The following UNC5D variants were observed in gnomAD, a reference collection of about 807,000 sequenced individuals.
UNC5D encodes the protein netrin receptor UNC5D.
A neutral mutation model predicts 105.4 loss-of-function variants in UNC5D; 39 were observed. That is an observed-to-expected ratio of 0.37 (90% CI 0.29 to 0.48). The LOEUF (loss-of-function observed/expected upper bound fraction) is 0.48, where lower values mean the gene tolerates loss of function less well. UNC5D is among the 20% of genes least tolerant of loss of function. The probability of loss-of-function intolerance (pLI) is 0.98; values close to 1 mark genes in which losing one functional copy is unlikely to be tolerated. For missense variants in UNC5D, 991 were observed against 1,202.4 expected (o/e 0.82, Z 2.60); for synonymous variants, 452 against 450.4 (o/e 1.00, Z -0.04).
intron 1 of UNC5D, among the ~76,000 whole-genome samples, chr8:35,282,081 C>T (rs991097530): frequency 6.6e-6 from 1 of 152,196 alleles, no homozygotes; most frequent in African/African-American, 2.4e-5. Context: ...AGGCTCACAG[C>T]AATTTGCAGA....
chr8:35,359,597 T>C (rs1230685052), intron 1 of UNC5D, among the ~76,000 whole-genome samples: 1 of 152,194 alleles, frequency 6.6e-6, no homozygotes, highest in African/African-American at 2.4e-5. Context: ...TTACTTAGTT[T>C]TGCAAAATAT....
rs777975354 is a variant in UNC5D, at chr8:35,243,839, A to G, written c.103+7952A>G. ...AGGGCTTGTCCCATAGCACATGTTG[A>G]ATAATGTGTGTTACTCGAACTTTAT... On this transcript the variant is annotated intron_variant, in intron 1 of 16. Coordinates refer to ENST00000404895, the MANE Select transcript of UNC5D (RefSeq NM_080872.4). Among the ~76,000 whole-genome samples the G allele has an allele frequency of 9.8e-5, 15 of 152,292 alleles. 1 individual carries two copies. In the South Asian group the frequency reaches 2.1e-3, roughly 21 times the overall value.
chr8:35,625,016 G>A (rs879889364), intron 4 of UNC5D, among the ~76,000 whole-genome samples: 1 of 152,166 alleles, frequency 6.6e-6, no homozygotes, highest in African/African-American at 2.4e-5. Flanking sequence ...GTGCATATGT[G>A]TGTATGAATC....
chr8:35,248,566 T>A (rs1279987315), intron 1 of UNC5D, among the ~76,000 whole-genome samples: 2 of 69,658 alleles, frequency 2.9e-5, no homozygotes, highest in African/African-American at 1.2e-4. Context: ...ATATATGTTA[T>A]ATATGAAATA....
intron 1 of UNC5D, among the ~76,000 whole-genome samples, chr8:35,319,705 A>C (rs553678672): frequency 6.6e-6 from 1 of 152,052 alleles, no homozygotes; most frequent in African/African-American, 2.4e-5. Flanking sequence ...TGTGGTTGAA[A>C]CTTTGAAAAG....
chr8:35,402,911 C>A (rs532703120), intron 1 of UNC5D, among the ~76,000 whole-genome samples: 1 of 152,280 alleles, frequency 6.6e-6, no homozygotes, highest in South Asian at 2.1e-4. Flanking sequence ...TACCTTGGAT[C>A]TGGTGCTGCC....
chr8:35,242,219 T>C (rs1342439366), intron 1 of UNC5D, among the ~76,000 whole-genome samples: 1 of 152,146 alleles, frequency 6.6e-6, no homozygotes, highest in African/African-American at 2.4e-5. Flanking sequence ...ACGTGGGATT[T>C]GAATAAGAAA....
At chr8:35,676,792 A>T (rs184085054) in intron 4 of UNC5D, among the ~76,000 whole-genome samples, 1 of 152,108 alleles carries the variant, frequency 6.6e-6, no homozygotes, top group Non-Finnish European at 1.5e-5. Context: ...AATTAAATCC[A>T]GTGTAGGGCA....
At position 35,464,371 on chromosome 8, in the gene UNC5D, A is replaced by AT. The variant is rs1809142041; in HGVS notation, c.104-84919dup. On this transcript the variant is annotated intron_variant, in intron 1 of 16. Transcript: ENST00000404895. ...TAAAAAAGAAAACAGTTGACTAATG[A>AT]TTCTCTTGCCAATAGTTTCAAACCT... Among the ~76,000 whole-genome samples the AT allele has an allele frequency of 1.2e-4, 18 of 152,178 alleles. No individual in the cohort carries two copies. In the South Asian group the frequency reaches 3.3e-3, roughly 28 times the overall value.
intron 1 of UNC5D, among the ~76,000 whole-genome samples, chr8:35,386,197 C>A (rs564412571): frequency 2.6e-5 from 4 of 152,220 alleles, no homozygotes; most frequent in Admixed American, 2.6e-4. Context: ...CATAAAGTCT[C>A]CTGTCACTGA....
intron 1 of UNC5D, among the ~76,000 whole-genome samples, chr8:35,273,653 A>G (rs1042843230): frequency 6.6e-6 from 1 of 152,206 alleles, no homozygotes; most frequent in African/African-American, 2.4e-5. Flanking sequence ...GCTGAAACTC[A>G]GGAAAAAGAT....
chr8:35,357,419 G>A (rs1187846242), intron 1 of UNC5D, among the ~76,000 whole-genome samples: 1 of 152,130 alleles, frequency 6.6e-6, no homozygotes, highest in East Asian at 1.9e-4. Flanking sequence ...ATGAACATTG[G>A]GTTGCAACAC....
At chr8:35,347,011 A>G (rs1429235229) in intron 1 of UNC5D, among the ~76,000 whole-genome samples, 1 of 152,060 alleles carries the variant, frequency 6.6e-6, no homozygotes, top group Non-Finnish European at 1.5e-5. Context: ...AATAACCATT[A>G]TTCTTTAGTA....
intron 9 of UNC5D, among the ~76,000 whole-genome samples, chr8:35,724,970 G>A (rs1828782688): frequency 1.3e-5 from 2 of 152,096 alleles, no homozygotes; most frequent in African/African-American, 4.8e-5. Context: ...AGATCCTTTA[G>A]CTCTATAGCA....
rs1239484162 is a variant in UNC5D, at chr8:35,796,182, G to A, written c.*5619G>A. On this transcript the variant is annotated 3_prime_UTR_variant, in exon 17 of 17. Coordinates refer to ENST00000404895, the MANE Select transcript of UNC5D (RefSeq NM_080872.4). ...AAGCTGAAGGACTGAGCAAGCCAGAGGAGAGAGGTTGAATGAAGCATAGCC... is the reference window on the plus strand; with the variant it reads ...AAGCTGAAGGACTGAGCAAGCCAGAAGAGAGAGGTTGAATGAAGCATAGCC... 5 of 152,086 alleles carry A rather than the reference G, an allele frequency of 3.3e-5. No individual in the cohort carries two copies. The highest frequency in any genetic ancestry group is 5.9e-5 in the Non-Finnish European group (4 of 68,028). The allele number at this position is 152,086 out of a possible 1,614,324, so 9.4% of individuals were successfully genotyped here.
rs1395419942 is a variant in UNC5D at position 35,538,403 on chromosome 8, A to ATG, written c.104-10888_104-10887insGT. Among the ~76,000 whole-genome samples, 309 of 36,926 alleles carry ATG rather than the reference A, an allele frequency of 8.4e-3. 4 individuals carry two copies. Among genetic ancestry groups the ATG allele is most frequent in the Non-Finnish European group, 0.011 (245 of 23,296 alleles). The allele number at this position is 36,926 out of a possible 152,430, so 24.2% of individuals were successfully genotyped here. ...GATTTAAAAAAAAATAATTATATAT[A>ATG]TATATATATATATATATATATATAT... On this transcript the variant is annotated intron_variant, in intron 1 of 16. Transcript: ENST00000404895.
At chr8:35,350,331 G>C (rs1279318508) in intron 1 of UNC5D, among the ~76,000 whole-genome samples, 1 of 151,956 alleles carries the variant, frequency 6.6e-6, no homozygotes, top group Non-Finnish European at 1.5e-5. Flanking sequence ...AAAAAAATAA[G>C]TGCAGGCAAT....
Position 35,722,240 on chromosome 8 carries a change from A to G in UNC5D, c.1148A>G (p.Tyr383Cys). The G allele has an allele frequency of 1.2e-6, 2 of 1,613,918 alleles. No individual in the cohort carries two copies. The highest frequency in any genetic ancestry group is 1.7e-6 in the Non-Finnish European group (2 of 1,179,966). ...SIENASDIAL[Y>C]SGLGAAVVAV... The stretch of plus-strand genomic sequence containing the variant: ...GAGAATGCCAGCGACATTGCTTTGT[A>G]CTCGGGCTTGGGTGCTGCCGTCGTG... Residue 383 changes from tyrosine (Y) to cysteine (C), a missense_variant, in exon 9 of 17, where the codon TAC becomes TGC. By Grantham distance (194) the Tyr-to-Cys change is radical (BLOSUM62 -2). This residue lies in a region of UNC5D where 944 missense variants were observed against 1,131.6 expected (regional missense o/e 0.83). Transcript: ENST00000404895.
chr8:35,335,109 A>T (rs562779454), intron 1 of UNC5D, among the ~76,000 whole-genome samples: 23 of 152,312 alleles, frequency 1.5e-4, no homozygotes, highest in African/African-American at 4.3e-4. Context: ...CTGTGTGTGT[A>T]TCAGTAGTTT....
Sources: allele counts gnomAD v4.1 joint callset (sites outside exome capture counted in the v4.1 genomes callset), GRCh38; gene constraint gnomAD v4.1.1; regional missense constraint gnomAD v4.1.1; transcripts MANE v1.5; gene names NCBI Gene and HGNC (gene_info 2026-07-23, HGNC 2026-07-21).